The following FLT3 variants were observed in gnomAD, a reference collection of about 807,000 sequenced individuals.
FLT3 encodes the protein receptor-type tyrosine-protein kinase FLT3.
A neutral mutation model predicts 126.6 loss-of-function variants in FLT3; 46 were observed. The ratio of observed to expected loss-of-function variants is 0.36; its 90% CI spans 0.29 to 0.46. FLT3 has a LOEUF of 0.46. Among genes scored for constraint, FLT3 ranks in the 20% least tolerant of loss-of-function variants. The pLI is 1.00. For synonymous variants in FLT3, 404 were observed against 434.4 expected (o/e 0.93, Z 0.87); for missense variants, 1,069 against 1,190.3 (o/e 0.90, Z 1.50).
chr13:28,018,337 C>T, intron 20 of FLT3, 130 bp downstream of exon 20: 1 of 1,003,956 alleles, frequency 1.0e-6, no homozygotes, highest in Non-Finnish European at 1.5e-6. Context: ...CATAAGTAAG[C>T]AGACTGCTGT....
chr13:28,015,804 T>C, intron 20 of FLT3, 103 bp from the exon 21 acceptor site: 1 of 694,082 alleles, frequency 1.4e-6, no homozygotes. Flanking sequence ...CTAAGACCAC[T>C]CTTAATGCCT....
At chr13:28,096,260 A>T (rs1879442308) in intron 1 of FLT3, among the ~76,000 whole-genome samples, 1 of 152,100 alleles carries the variant, frequency 6.6e-6, no homozygotes, top group Non-Finnish European at 1.5e-5. Context: ...AGGTTGAGGT[A>T]GGAGGCTTGC....
intron 16 of FLT3, 75 bp downstream of exon 16, chr13:28,028,103 G>C: frequency 2.6e-6 from 2 of 778,712 alleles, no homozygotes; most frequent in Non-Finnish European, 2.3e-6. Context: ...GAGAGAGAGA[G>C]AGAGAGAGCA....
chr13:28,024,335 T>C (rs557168732), intron 18 of FLT3, among the ~76,000 whole-genome samples: 2 of 152,192 alleles, frequency 1.3e-5, no homozygotes, highest in East Asian at 3.9e-4. Flanking sequence ...TTTCTCCATG[T>C]TGGGCCAGGC....
intron 1 of FLT3, among the ~76,000 whole-genome samples, chr13:28,077,346 A>G (rs999548546): frequency 1.3e-5 from 2 of 152,316 alleles, no homozygotes; most frequent in South Asian, 4.1e-4. Flanking sequence ...GGGAGGTTTC[A>G]GAATCATGGC....
chr13:28,022,983 C>G (rs1872529988), intron 19 of FLT3, among the ~76,000 whole-genome samples: 1 of 152,334 alleles, frequency 6.6e-6, no homozygotes. Context: ...CCTCTCATCC[C>G]CTGGGTTGAA....
intron 17 of FLT3, among the ~76,000 whole-genome samples, chr13:28,025,839 C>A (rs1377185399): frequency 6.6e-6 from 1 of 152,130 alleles, no homozygotes; most frequent in Admixed American, 6.6e-5. Flanking sequence ...CACGGACGTG[C>A]ATGGGGATCT....
intron 5 of FLT3, among the ~76,000 whole-genome samples, chr13:28,050,722 CA>C (rs1471492728): frequency 6.6e-6 from 1 of 152,046 alleles, no homozygotes; most frequent in Non-Finnish European, 1.5e-5. Flanking sequence ...GGAAGTCAGC[CA>C]AGACTCCCAA....
intron 9 of FLT3, among the ~76,000 whole-genome samples, chr13:28,047,104 G>A (rs1874953939): frequency 6.6e-6 from 1 of 152,178 alleles, no homozygotes; most frequent in Non-Finnish European, 1.5e-5. Context: ...CATTAAAAAA[G>A]CAGAGTCTGA....
At chr13:28,056,571 G>A (rs1364883433) in intron 4 of FLT3, among the ~76,000 whole-genome samples, 2 of 152,172 alleles carry the variant, frequency 1.3e-5, no homozygotes, top group East Asian at 1.9e-4. Flanking sequence ...GTGCATGATG[G>A]GGACGAAACA....
rs1030640958 is a variant in FLT3, at chr13:28,098,057, G to A, written c.43+2411C>T. 2.6e-5 allele frequency among the ~76,000 whole-genome samples: 4 copies of A among 152,236 alleles called. No homozygotes were observed. The East Asian group carries it at 7.7e-4, about 29-fold the overall frequency. On this transcript the variant is annotated intron_variant, in intron 1 of 23. Transcript: ENST00000241453. ...TGGCCGGGTGTGGTGGCTCATACCT[G>A]TAATCCCAGCGCTTTGGGAGGCTGA...
chr13:28,009,790 G>A (rs1871208789), intron 23 of FLT3, among the ~76,000 whole-genome samples: 1 of 152,062 alleles, frequency 6.6e-6, no homozygotes, highest in Non-Finnish European at 1.5e-5. Context: ...TTGAACTCCT[G>A]AGCTCAATCT....
Position 28,058,216 on chromosome 13 carries a change from A to AAAC in FLT3, c.369-755_369-754insGTT, listed in dbSNP as rs1479511637. ...TCTATTTTTTAAAAATTAAAAAAAA[A>AAAC]AAACAAAAAAAAAAACGGCCAGGTA... On this transcript the variant is annotated intron_variant, in intron 3 of 23. Coordinates refer to ENST00000241453, the MANE Select transcript of FLT3 (RefSeq NM_004119.3). 1.4e-3 allele frequency among the ~76,000 whole-genome samples: 130 copies of AAAC among 94,136 alleles called. 1 individual carries two copies. Among genetic ancestry groups the AAAC allele is most frequent in the African/African-American group, 3.6e-3 (105 of 29,068 alleles). 61.8% of individuals were successfully genotyped at this position (94,136 alleles called of 152,430 possible).
In FLT3 at chr13:28,015,231, C is replaced by T. The variant is rs56300022; in HGVS notation, c.2679G>A (p.Pro893=). 721 of 1,611,214 alleles carry T rather than the reference C, an allele frequency of 4.5e-4. No homozygotes were observed. The highest frequency in any genetic ancestry group is 1.9e-3 in the African/African-American group (144 of 74,912). The change falls in exon 22 of 24, where the codon CCG becomes CCA. Residue 893 remains proline (P), a synonymous_variant. Transcript: ENST00000241453. ...TCAGTTTGTAGAAGTTAGCATCAACCGGAATGCCAGGGTAAGGATTCACAC... is the reference window on the plus strand; with the variant it reads ...TCAGTTTGTAGAAGTTAGCATCAACTGGAATGCCAGGGTAAGGATTCACAC... ...SLGVNPYPGI[P]VDANFYKLIQ...
intron 18 of FLT3, 75 bp downstream of exon 18, chr13:28,024,784 CTT>C (rs1181332487): frequency 9.5e-7 from 1 of 1,049,114 alleles, no homozygotes; most frequent in African/African-American, 1.6e-5. Flanking sequence ...TGTTTACACA[CTT>C]TTAAAAAATA....
At chr13:28,075,649 T>C (rs7991620) in intron 1 of FLT3, among the ~76,000 whole-genome samples, 106,765 of 151,086 alleles carry the variant, frequency 0.71, 39,606 homozygotes, top group East Asian at 0.95. Flanking sequence ...CACTTCAACC[T>C]GGGAGGTAGA....
At chr13:28,036,194 A>C in intron 10 of FLT3, 151 bp from the exon 11 acceptor site, 1 of 635,614 alleles carries the variant, frequency 1.6e-6, no homozygotes, top group East Asian at 2.7e-5. Context: ...CCTGTCTCTG[A>C]AAATAATAAA....
chr13:28,008,204 A>ACTCAGGAAG (rs984980815), intron 23 of FLT3, among the ~76,000 whole-genome samples: 2 of 145,650 alleles, frequency 1.4e-5, no homozygotes, highest in Non-Finnish European at 3.0e-5. Flanking sequence ...TTTAAAAAGT[A>ACTCAGGAAG]CTCAGGAAGC....
rs1872104275 is a variant in FLT3, at chr13:28,018,605, C to A, written c.2419-16G>T. ...TGTGAACACACTGTCAAGAATGACACCAGAGTGTTATTTACTGTGATGTGT... is the reference window on the plus strand; with the variant it reads ...TGTGAACACACTGTCAAGAATGACAACAGAGTGTTATTTACTGTGATGTGT... On this transcript the variant is annotated splice_polypyrimidine_tract_variant and intron_variant, in intron 19 of 23. Coordinates refer to ENST00000241453, the MANE Select transcript of FLT3 (RefSeq NM_004119.3). 5.0e-6 allele frequency: 8 copies of A among 1,613,440 alleles called. No individual in the cohort carries two copies. The highest frequency in any genetic ancestry group is 5.9e-6 in the Non-Finnish European group (7 of 1,179,542).
Sources: allele counts gnomAD v4.1 joint callset (sites outside exome capture counted in the v4.1 genomes callset), GRCh38; gene constraint gnomAD v4.1.1; transcripts MANE v1.5; gene names NCBI Gene and HGNC (gene_info 2026-07-23, HGNC 2026-07-21).